OSBPL6: variants seen among roughly 807,000 people sequenced by gnomAD.
OSBPL6 encodes oxysterol-binding protein-related protein 6.
A neutral mutation model predicts 125.8 loss-of-function variants in OSBPL6; 49 were observed. The ratio of observed to expected loss-of-function variants is 0.39; its 90% CI spans 0.31 to 0.49. The LOEUF is 0.49. Among genes scored for constraint, OSBPL6 ranks in the 20% least tolerant of loss-of-function variants. The pLI, the probability that OSBPL6 is intolerant of heterozygous loss-of-function variation, is 0.88. For missense variants in OSBPL6, 986 were observed against 1,135.4 expected, an observed-to-expected ratio of 0.87 and a Z score of 1.89; for synonymous variants, 394 against 391.8, an observed-to-expected ratio of 1.01 and a Z score of -0.07.
At chr2:178,206,491 A>G (rs1377238511) in intron 1 of OSBPL6, among the ~76,000 whole-genome samples, 2 of 152,246 alleles carry the variant, frequency 1.3e-5, no homozygotes, top group Non-Finnish European at 2.9e-5. Flanking sequence ...GGTTTTCAAG[A>G]TGAAGAAAGG....
intron 11 of OSBPL6, among the ~76,000 whole-genome samples, chr2:178,340,014 A>G (rs573398727): frequency 6.6e-6 from 1 of 152,300 alleles, no homozygotes; most frequent in African/African-American, 2.4e-5. Context: ...TTTATTCACA[A>G]TTATAGCCTT....
intron 3 of OSBPL6, among the ~76,000 whole-genome samples, chr2:178,319,547 T>C (rs576872016): frequency 1.6e-3 from 243 of 152,328 alleles, no homozygotes; most frequent in African/African-American, 5.2e-3. Context: ...ACTGTGTGCC[T>C]CTCTTAATCT....
At chr2:178,311,735 C>A (rs931425904) in intron 3 of OSBPL6, among the ~76,000 whole-genome samples, 1 of 152,044 alleles carries the variant, frequency 6.6e-6, no homozygotes, top group African/African-American at 2.4e-5. Context: ...AGTTCCAAGT[C>A]CCACAAGAGT....
intron 3 of OSBPL6, among the ~76,000 whole-genome samples, chr2:178,323,358 TG>T: frequency 6.6e-6 from 1 of 152,362 alleles, no homozygotes; most frequent in South Asian, 2.1e-4. Context: ...AAATGCTCTT[TG>T]TAAAAGACAC....
Position 178,391,191 on chromosome 2 carries a change from C to T in OSBPL6, c.2420C>T (p.Pro807Leu), listed in dbSNP as rs1695375268. 1.2e-6 allele frequency: 2 copies of T among 1,609,684 alleles called. No individual in the cohort carries two copies. The highest frequency in any genetic ancestry group is 1.1e-5 in the South Asian group (1 of 89,932). The change falls in exon 22 of 25, where the codon CCC (proline) becomes CTC (leucine). Residue 807 changes from proline to leucine, a missense_variant. Transcript: ENST00000190611. Reference sequence around the variant, plus strand: ...GAAGGACTCTACTGTGGTGTGGCCCCCTCTGCAAAGTGCATTTGGAGACCA... The same window carrying T: ...GAAGGACTCTACTGTGGTGTGGCCCTCTCTGCAAAGTGCATTTGGAGACCA... ...WHEGLYCGVAPSAKCIWRPGS... is the reference protein window; with the variant it reads ...WHEGLYCGVALSAKCIWRPGS...
chr2:178,269,535 T>A (rs1458773621), intron 1 of OSBPL6, among the ~76,000 whole-genome samples: 2 of 152,180 alleles, frequency 1.3e-5, no homozygotes, highest in Non-Finnish European at 2.9e-5. Flanking sequence ...TAAATATGGA[T>A]CCTTAACTGT....
chr2:178,250,009 T>C (rs334017), intron 1 of OSBPL6, among the ~76,000 whole-genome samples: 56,185 of 151,912 alleles, frequency 0.37, 10,789 homozygotes, highest in African/African-American at 0.45. Flanking sequence ...TAACAATACC[T>C]GCTAATATTT....
rs75817719 is a variant in OSBPL6 at position 178,331,602 on chromosome 2, C to G, written c.369C>G (p.Leu123=). 14 of 1,613,788 alleles carry G rather than the reference C, an allele frequency of 8.7e-6. No homozygotes were observed. Among genetic ancestry groups the G allele is most frequent in the Non-Finnish European group, 1.1e-5 (13 of 1,179,932 alleles). Reference sequence around the variant, plus strand: ...TGTTAAAGTATTCAAAGGCACCACTCGATGTAAGTAGCACACAGGACATGT... The same window carrying G: ...TGTTAAAGTATTCAAAGGCACCACTGGATGTAAGTAGCACACAGGACATGT... The part of the protein sequence containing the change: ...NGMLKYSKAP[L]DIQKGKVHGS... The change falls in exon 6 of 25, where the codon CTC becomes CTG. Residue 123 remains leucine, a synonymous_variant. Coordinates refer to ENST00000190611, the MANE Select transcript of OSBPL6 (RefSeq NM_032523.4).
chr2:178,391,236 T>C lies in OSBPL6; in HGVS notation c.2446+19T>C. 6.3e-7 allele frequency: 1 copy of C among 1,580,398 alleles called. No homozygotes were observed. The highest frequency in any genetic ancestry group is 8.6e-7 in the Non-Finnish European group (1 of 1,164,794). ...AGACCAGGTGAGAGTGGCCTGAGTG[T>C]TCTGCCAACAGGAGGGCACTATGGA... On this transcript the variant is annotated intron_variant, in intron 22 of 24. Transcript: ENST00000190611.
intron 1 of OSBPL6, among the ~76,000 whole-genome samples, chr2:178,208,999 C>T (rs918716929): frequency 6.6e-6 from 1 of 152,132 alleles, no homozygotes; most frequent in African/African-American, 2.4e-5. Flanking sequence ...CCCCTAGCTT[C>T]TGAACTTACT....
At chr2:178,273,608 G>T (rs2092413840) in intron 1 of OSBPL6, among the ~76,000 whole-genome samples, 1 of 152,118 alleles carries the variant, frequency 6.6e-6, no homozygotes, top group Admixed American at 6.5e-5. Context: ...TAAATTAAAA[G>T]TATTTTAACC....
chr2:178,230,253 T>C (rs1412590826), intron 1 of OSBPL6, among the ~76,000 whole-genome samples: 2 of 152,190 alleles, frequency 1.3e-5, no homozygotes, highest in African/African-American at 2.4e-5. Flanking sequence ...AGTTGGCTGA[T>C]CATGTGCCAA....
chr2:178,256,388 A>G (rs934509962), intron 1 of OSBPL6, among the ~76,000 whole-genome samples: 2 of 152,214 alleles, frequency 1.3e-5, no homozygotes, highest in Non-Finnish European at 2.9e-5. Context: ...CCCTTTTGCT[A>G]TGGCGTTGTG....
At chr2:178,276,927 A>C (rs1229681349) in intron 1 of OSBPL6, among the ~76,000 whole-genome samples, 1 of 152,200 alleles carries the variant, frequency 6.6e-6, no homozygotes, top group Non-Finnish European at 1.5e-5. Flanking sequence ...AGCAAACTGC[A>C]GTAGGTGCCC....
At chr2:178,331,362 G>A (rs756152790) in intron 5 of OSBPL6, among the ~76,000 whole-genome samples, 190 bp from the exon 6 acceptor site, 4 of 152,216 alleles carry the variant, frequency 2.6e-5, no homozygotes, top group African/African-American at 9.6e-5. Flanking sequence ...TAGGTTAACA[G>A]TATGGAACTA....
intron 2 of OSBPL6, among the ~76,000 whole-genome samples, chr2:178,290,800 A>G (rs1685186348): frequency 6.6e-6 from 1 of 152,122 alleles, no homozygotes. Flanking sequence ...ATGGGTTGTC[A>G]GTGTTTCCAT....
chr2:178,249,860 G>A (rs1327533140), intron 1 of OSBPL6, among the ~76,000 whole-genome samples: 1 of 131,116 alleles, frequency 7.6e-6, no homozygotes, highest in Non-Finnish European at 1.6e-5. Flanking sequence ...TCTTATATTA[G>A]CATACTCAAA....
Position 178,307,944 on chromosome 2 carries a change from G to A in OSBPL6, c.102+1658G>A, listed in dbSNP as rs73032518. On this transcript the variant is annotated intron_variant, in intron 3 of 24. Coordinates refer to ENST00000190611, the MANE Select transcript of OSBPL6 (RefSeq NM_032523.4). ...GGAAACACTGAGACCCTGGTGTGCCGGAGGGAGCATGAAGGTGGAATGTGT... is the reference window on the plus strand; with the variant it reads ...GGAAACACTGAGACCCTGGTGTGCCAGAGGGAGCATGAAGGTGGAATGTGT... Among the ~76,000 whole-genome samples, 1,153 of 152,300 alleles carry A rather than the reference G, an allele frequency of 7.6e-3. 14 individuals carry two copies. The highest frequency in any genetic ancestry group is 0.027 in the African/African-American group (1,104 of 41,550).
chr2:178,208,001 C>T (rs551419205), intron 1 of OSBPL6, among the ~76,000 whole-genome samples: 25 of 151,956 alleles, frequency 1.6e-4, no homozygotes, highest in African/African-American at 6.0e-4. Context: ...AATAAAGTGC[C>T]GGGCTGGGCA....
Sources: allele counts gnomAD v4.1 joint callset (sites outside exome capture counted in the v4.1 genomes callset), GRCh38; gene constraint gnomAD v4.1.1; transcripts MANE v1.5; gene names NCBI Gene and HGNC (gene_info 2026-07-23, HGNC 2026-07-21).